The following PSD3 variants were observed in gnomAD, a reference collection of about 807,000 sequenced individuals.
PSD3 encodes PH and SEC7 domain-containing protein 3.
Under a neutral mutation model 105.5 loss-of-function variants are expected in PSD3, and 49 were observed. The ratio of observed to expected loss-of-function variants is 0.46; its 90% CI spans 0.37 to 0.59. The LOEUF is 0.59. Among genes scored for constraint, PSD3 ranks in the 20% least tolerant of loss-of-function variants. PSD3 has a pLI of 0.00. For missense variants in PSD3, 1,561 were observed against 1,263.8 expected (o/e 1.24, Z -3.57); for synonymous variants, 557 against 457.8 (o/e 1.22, Z -2.77).
At chr8:18,699,413 G>C (rs1417289306) in intron 9 of PSD3, among the ~76,000 whole-genome samples, 1 of 152,198 alleles carries the variant, frequency 6.6e-6, no homozygotes, top group African/African-American at 2.4e-5. Context: ...ATTTACTACA[G>C]TAATGTAGCC....
At chr8:18,906,239 A>T (rs990516409) in intron 2 of PSD3, among the ~76,000 whole-genome samples, 2 of 152,122 alleles carry the variant, frequency 1.3e-5, no homozygotes, top group African/African-American at 4.8e-5. Flanking sequence ...GGTGCTCCAG[A>T]TCCCCTAAAG....
At chr8:18,878,716 C>A (rs1434562581) in intron 2 of PSD3, among the ~76,000 whole-genome samples, 9 of 152,112 alleles carry the variant, frequency 5.9e-5, no homozygotes, top group Non-Finnish European at 1.3e-4. Context: ...TGCTCACCAA[C>A]TCTTGAAAAA....
intron 12 of PSD3, among the ~76,000 whole-genome samples, chr8:18,598,540 G>A (rs200962319): frequency 6.5e-4 from 99 of 151,906 alleles, no homozygotes; most frequent in East Asian, 1.4e-3. Context: ...CAGATCAAAT[G>A]ATAAAAATTA....
chr8:19,049,804 T>A (rs553024010), intron 1 of PSD3, among the ~76,000 whole-genome samples: 1 of 152,002 alleles, frequency 6.6e-6, no homozygotes, highest in Non-Finnish European at 1.5e-5. Flanking sequence ...TGAGCCTGCA[T>A]TGATTAGTGA....
At chr8:18,642,343 A>G (rs868209385) in intron 10 of PSD3, among the ~76,000 whole-genome samples, 3 of 152,158 alleles carry the variant, frequency 2.0e-5, no homozygotes, top group Admixed American at 6.5e-5. Context: ...AAATATACAT[A>G]TATGTATAAA....
chr8:18,922,606 C>T (rs563075711), intron 2 of PSD3, among the ~76,000 whole-genome samples: 3 of 152,226 alleles, frequency 2.0e-5, no homozygotes, highest in Non-Finnish European at 4.4e-5. Context: ...CTATCTAACT[C>T]GAGACAGTAT....
chr8:18,852,332 G>A (rs17127331), intron 4 of PSD3, among the ~76,000 whole-genome samples: 10,150 of 152,146 alleles, frequency 0.067, 495 homozygotes, highest in African/African-American at 0.13. Flanking sequence ...CCAACTCCTC[G>A]AGTGTAAAGA....
At chr8:18,621,477 A>G (rs959716477) in intron 11 of PSD3, among the ~76,000 whole-genome samples, 4 of 152,214 alleles carry the variant, frequency 2.6e-5, no homozygotes, top group Non-Finnish European at 4.4e-5. Context: ...TATTGCCAGA[A>G]AGCATGGATT....
At chr8:18,600,526 T>C in intron 11 of PSD3, 92 bp from the exon 12 acceptor site, 1 of 1,059,992 alleles carries the variant, frequency 9.4e-7, no homozygotes, top group Non-Finnish European at 1.4e-6. Context: ...TGTTTCAATA[T>C]TCTACCTAGC....
At chr8:18,606,278 T>C (rs1804822015) in intron 11 of PSD3, among the ~76,000 whole-genome samples, 1 of 152,212 alleles carries the variant, frequency 6.6e-6, no homozygotes, top group South Asian at 2.1e-4. Context: ...TCTGTACTTG[T>C]GTGCTAAATG....
chr8:18,845,635 C>T (rs1378102206), intron 4 of PSD3, among the ~76,000 whole-genome samples: 1 of 152,116 alleles, frequency 6.6e-6, no homozygotes, highest in African/African-American at 2.4e-5. Flanking sequence ...ACTGCAGCAT[C>T]AATTAGAAAT....
intron 15 of PSD3, among the ~76,000 whole-genome samples, chr8:18,546,095 G>A (rs532228617): frequency 2.4e-4 from 37 of 152,228 alleles, no homozygotes; most frequent in African/African-American, 8.4e-4. Flanking sequence ...CCACCTCCCA[G>A]GTTCACGCAA....
At chr8:18,740,017 T>C (rs1804435859) in intron 9 of PSD3, among the ~76,000 whole-genome samples, 1 of 152,232 alleles carries the variant, frequency 6.6e-6, no homozygotes, top group South Asian at 2.1e-4. Flanking sequence ...AGTAACTTTC[T>C]TGTGCATGGA....
intron 1 of PSD3, among the ~76,000 whole-genome samples, chr8:18,971,153 A>G (rs1824626556): frequency 6.6e-6 from 1 of 152,140 alleles, no homozygotes; most frequent in Admixed American, 6.5e-5. Flanking sequence ...GGACCTTCCT[A>G]TGTAGATTAC....
At chr8:18,972,882 T>C (rs1824731093) in intron 1 of PSD3, among the ~76,000 whole-genome samples, 2 of 152,224 alleles carry the variant, frequency 1.3e-5, no homozygotes, top group African/African-American at 4.8e-5. Flanking sequence ...AAAGCATCAC[T>C]GGGCAAGTAG....
At chr8:18,591,837 T>C (rs923284862) in intron 12 of PSD3, among the ~76,000 whole-genome samples, 14 of 152,128 alleles carry the variant, frequency 9.2e-5, no homozygotes, top group Admixed American at 3.3e-4. Flanking sequence ...TAAAATCAGA[T>C]AACTTGCAGT....
At chr8:18,625,187 T>TAC (rs3042894) in intron 11 of PSD3, among the ~76,000 whole-genome samples, 4,962 of 149,308 alleles carry the variant, frequency 0.033, 130 homozygotes, top group Admixed American at 0.088. Context: ...AGGTGGGGAA[T>TAC]ACACACACAC....
chr8:18,613,096 C>T (rs1031316643), intron 11 of PSD3, among the ~76,000 whole-genome samples: 16 of 152,112 alleles, frequency 1.1e-4, no homozygotes, highest in Admixed American at 4.6e-4. Flanking sequence ...AAATGACTCT[C>T]ACTACATCAT....
chr8:18,701,210 T>A (rs558593687), intron 9 of PSD3, among the ~76,000 whole-genome samples: 2 of 151,758 alleles, frequency 1.3e-5, no homozygotes, highest in Non-Finnish European at 2.9e-5. Context: ...GCCCAAGTGA[T>A]CTTCCTGCCT....
Sources: gnomAD v4.1 joint callset for allele counts (sites outside exome capture counted in the v4.1 genomes callset) on GRCh38, gnomAD v4.1.1 for gene constraint, MANE v1.5 for transcripts, NCBI Gene and HGNC (gene_info 2026-07-23, HGNC 2026-07-21) for gene names.